The following CFAP91 variants were observed in gnomAD, a reference collection of about 807,000 sequenced individuals.
The protein encoded by CFAP91 is cilia and flagella associated protein 91.
In CFAP91, 85 loss-of-function variants were observed where a neutral mutation model predicts 95.9. That is an observed-to-expected ratio of 0.89 (90% CI 0.74 to 1.06). CFAP91 has a LOEUF of 1.06. CFAP91 is among the 50% of genes least tolerant of loss of function. The probability of loss-of-function intolerance (pLI) is 0.00; values close to 1 mark genes in which losing one functional copy is unlikely to be tolerated. For synonymous variants in CFAP91, 335 were observed against 327.5 expected (o/e 1.02, Z -0.25); for missense variants, 962 against 943.4 (o/e 1.02, Z -0.26).
chr3:119,765,186 A>G lies in CFAP91; in HGVS notation c.*136A>G, dbSNP rs527408203. 3 of 152,290 alleles carry G rather than the reference A, an allele frequency of 2.0e-5. No homozygotes were observed. Among genetic ancestry groups the G allele is most frequent in the African/African-American group, 7.2e-5 (3 of 41,562 alleles). 9.4% of individuals were successfully genotyped at this position (152,290 alleles called of 1,614,324 possible). A position where few individuals can be genotyped will look rare whatever the true frequency, so the allele number is the denominator to read the frequency against. On this transcript the variant is annotated 3_prime_UTR_variant, in exon 18 of 18. Transcript: ENST00000273390. ...TGAGAAAGGAGATTTATTTTCCTTA[A>G]ACATCCAATAATTTAAAATGATTTT...
At position 119,738,937 on chromosome 3, in the gene CFAP91, T is replaced by TATA. The variant is rs561490946; in HGVS notation, c.1462-317_1462-316insTAA. Among the ~76,000 whole-genome samples, 3 of 152,342 alleles carry TATA rather than the reference T, an allele frequency of 2.0e-5. No individual in the cohort carries two copies. The South Asian group carries it at 6.2e-4, about 32-fold the overall frequency. On this transcript the variant is annotated intron_variant, in intron 11 of 17. Transcript: ENST00000273390. The stretch of plus-strand genomic sequence containing the variant: ...TATTGCAAAATGATGTTATATGCAA[T>TATA]ACTTGTTGCTTTAAGAAATATTTTG...
chr3:119,746,746 C>A (rs1284133937), intron 14 of CFAP91, among the ~76,000 whole-genome samples: 1 of 152,136 alleles, frequency 6.6e-6, no homozygotes, highest in African/African-American at 2.4e-5. Flanking sequence ...TGCAGAATAC[C>A]TCCTAGTCTG....
rs775085937 is a variant in CFAP91 at position 119,747,856 on chromosome 3, T to C, written c.2097T>C (p.Tyr699=). ...QSEEIVAELV[Y]SFLIPEVQKY... is the part of the protein sequence containing the mutation. ...AGGAGATTGTTGCTGAGTTGGTTTA[T>C]AGTTTTCTGATCCCAGAGGTGCAAA... The change falls in exon 16 of 18, where the codon TAT becomes TAC. Residue 699 remains tyrosine, a synonymous_variant. Coordinates refer to ENST00000273390, the MANE Select transcript of CFAP91 (RefSeq NM_033364.4). The C allele has an allele frequency of 6.2e-7, 1 of 1,613,714 alleles. No homozygotes were observed. Among genetic ancestry groups the C allele is most frequent in the African/African-American group, 1.3e-5 (1 of 75,044 alleles).
intron 17 of CFAP91, among the ~76,000 whole-genome samples, chr3:119,754,964 G>T: frequency 6.6e-6 from 1 of 152,190 alleles, no homozygotes; most frequent in East Asian, 1.9e-4. Flanking sequence ...TTGCCAGGTC[G>T]TGGACTTGCT....
At chr3:119,719,425 A>C (rs1162381217) in intron 6 of CFAP91, among the ~76,000 whole-genome samples, 3 of 152,162 alleles carry the variant, frequency 2.0e-5, no homozygotes, top group Non-Finnish European at 4.4e-5. Flanking sequence ...GTTTACATAA[A>C]GATAAGGGAA....
chr3:119,713,775 A>G (rs1042539594), intron 5 of CFAP91, among the ~76,000 whole-genome samples: 4 of 152,160 alleles, frequency 2.6e-5, no homozygotes, highest in Non-Finnish European at 4.4e-5. Flanking sequence ...CACAGTTTTA[A>G]AATGTAAAAA....
At chr3:119,711,151 T>C (rs2053464913) in intron 5 of CFAP91, among the ~76,000 whole-genome samples, 1 of 152,224 alleles carries the variant, frequency 6.6e-6, no homozygotes, top group Non-Finnish European at 1.5e-5. Flanking sequence ...TAAATGTCTG[T>C]AATCCTCAAG....
intron 4 of CFAP91, among the ~76,000 whole-genome samples, chr3:119,709,470 A>C (rs1181956383): frequency 6.6e-6 from 1 of 152,230 alleles, no homozygotes; most frequent in Non-Finnish European, 1.5e-5. Flanking sequence ...AGAATGTCTC[A>C]GGAACTTGAG....
chr3:119,725,059 A>G lies in CFAP91; in HGVS notation c.683-1112A>G, dbSNP rs918978541. 7.3e-5 allele frequency among the ~76,000 whole-genome samples: 11 copies of G among 151,610 alleles called. No homozygotes were observed. In the East Asian group the frequency reaches 7.8e-4, roughly 11 times the overall value. ...GTGGTAGAAATATGACCTATTACTT[A>G]TTTCCTTAGATTTTTCTGTATAATT... On this transcript the variant is annotated intron_variant, in intron 6 of 17. Coordinates refer to ENST00000273390, the MANE Select transcript of CFAP91 (RefSeq NM_033364.4).
chr3:119,732,271 C>T, intron 8 of CFAP91, 23 bp from the exon 9 acceptor site: 1 of 1,560,896 alleles, frequency 6.4e-7, no homozygotes, highest in South Asian at 1.2e-5. Context: ...TAGAGATAGT[C>T]ATGGAGGTAT....
chr3:119,733,298 A>G, intron 9 of CFAP91, 66 bp from the exon 10 acceptor site: 1 of 1,544,096 alleles, frequency 6.5e-7, no homozygotes, highest in East Asian at 2.3e-5. Flanking sequence ...ACAAAAGTTA[A>G]CAATATACCT....
chr3:119,722,177 TAAAA>T (rs569308101), intron 6 of CFAP91, among the ~76,000 whole-genome samples: 1 of 91,248 alleles, frequency 1.1e-5, no homozygotes. Flanking sequence ...ACCCTGTCTC[TAAAA>T]AAAAAAAAAA....
At chr3:119,708,807 G>A (rs543655807) in intron 4 of CFAP91, 133 bp downstream of exon 4, 25 of 572,192 alleles carry the variant, frequency 4.4e-5, no homozygotes, top group African/African-American at 4.0e-4. Context: ...ACATGCATAT[G>A]ATCTAATCGT....
In CFAP91 at chr3:119,708,609, G is replaced by T; in HGVS notation, c.378G>T (p.Gln126His). ...ATTTTAGAACTGACGCTTCTTTTCA[G>T]ATGCCTAAAGAAGTTTATGAAGATC... Reference protein sequence around the residue: ...RQLTTTDASFQMPKEVYEDPE... With the variant: ...RQLTTTDASFHMPKEVYEDPE... The change falls in exon 4 of 18, where the codon CAG becomes CAT. Residue 126 changes from glutamine (Q) to histidine (H), a missense_variant. Physicochemically the swap from Gln to His is conservative, Grantham distance 24. Transcript: ENST00000273390. 1 of 1,604,352 alleles carries T rather than the reference G, an allele frequency of 6.2e-7. No homozygotes were observed. The highest frequency in any genetic ancestry group is 8.5e-7 in the Non-Finnish European group (1 of 1,174,740).
chr3:119,705,556 A>G (rs1431553172), intron 1 of CFAP91, among the ~76,000 whole-genome samples: 2 of 152,210 alleles, frequency 1.3e-5, no homozygotes, highest in African/African-American at 4.8e-5. Flanking sequence ...TCAGATATCT[A>G]ACTAGCTAAC....
At chr3:119,751,371 C>A (rs1042690988) in intron 17 of CFAP91, among the ~76,000 whole-genome samples, 2 of 152,130 alleles carry the variant, frequency 1.3e-5, no homozygotes, top group Non-Finnish European at 2.9e-5. Flanking sequence ...GTGTGTACCT[C>A]GTCAAATGAA....
rs989282453 is a variant in CFAP91 at position 119,732,611 on chromosome 3, C to T, written c.1201+135C>T. 9 of 639,642 alleles carry T rather than the reference C, an allele frequency of 1.4e-5. No homozygotes were observed. The South Asian group carries it at 1.9e-4, about 13-fold the overall frequency. The allele number at this position is 639,642 out of a possible 1,614,324, so 39.6% of individuals were successfully genotyped here. A position where few individuals can be genotyped will look rare whatever the true frequency, so the allele number is the denominator to read the frequency against. On this transcript the variant is annotated intron_variant, in intron 9 of 17. Transcript: ENST00000273390. ...TGCAATAAACACTGATGATACAAAC[C>T]AATAAAAACTACTAAGACCCAAATA...
At chr3:119,754,719 G>C (rs554677949) in intron 17 of CFAP91, among the ~76,000 whole-genome samples, 4 of 152,226 alleles carry the variant, frequency 2.6e-5, no homozygotes, top group African/African-American at 9.6e-5. Context: ...CTTTCACCAT[G>C]AGCTTTGGAA....
intron 2 of CFAP91, 46 bp downstream of exon 2, chr3:119,706,931 T>C: frequency 6.8e-7 from 1 of 1,462,160 alleles, no homozygotes; most frequent in Non-Finnish European, 9.6e-7. Context: ...ACCTGAACCA[T>C]CTAGTTTGCC....
Sources: allele counts gnomAD v4.1 joint callset (sites outside exome capture counted in the v4.1 genomes callset), GRCh38; gene constraint gnomAD v4.1.1; transcripts MANE v1.5; gene names NCBI Gene and HGNC (gene_info 2026-07-23, HGNC 2026-07-21).